The following PARD3B variants were observed in gnomAD, a reference collection of about 807,000 sequenced individuals.
The protein encoded by PARD3B is partitioning defective 3 homolog B.
Under a neutral mutation model 130.2 loss-of-function variants are expected in PARD3B, and 103 were observed. That is an observed-to-expected ratio of 0.79 (90% confidence interval 0.67 to 0.93). The LOEUF (loss-of-function observed/expected upper bound fraction) is 0.93, where lower values mean the gene tolerates loss of function less well. PARD3B is among the 40% of genes least tolerant of loss of function. The pLI is 0.00. For missense variants in PARD3B, 1,609 were observed against 1,499.2 expected, an observed-to-expected ratio of 1.07 and a Z score of -1.21; for synonymous variants, 583 against 553.2, an observed-to-expected ratio of 1.05 and a Z score of -0.76.
chr2:204,864,002 A>G (rs2045315249), intron 2 of PARD3B, among the ~76,000 whole-genome samples: 1 of 152,160 alleles, frequency 6.6e-6, no homozygotes, highest in African/African-American at 2.4e-5. Context: ...CTTTCATTTA[A>G]GCTGTCATCT....
At chr2:205,194,476 A>G (rs1365426744) in intron 15 of PARD3B, among the ~76,000 whole-genome samples, 1 of 152,224 alleles carries the variant, frequency 6.6e-6, no homozygotes, top group Non-Finnish European at 1.5e-5. Flanking sequence ...AATTTGTGAC[A>G]GTGACATAGG....
rs1418039725 is a variant in PARD3B at position 204,746,043 on chromosome 2, C to T, written c.222+59761C>T. Among the ~76,000 whole-genome samples, 5 of 150,378 alleles carry T rather than the reference C, an allele frequency of 3.3e-5. No individual in the cohort carries two copies. In the East Asian group the frequency reaches 9.8e-4, roughly 30 times the overall value. On this transcript the variant is annotated intron_variant, in intron 2 of 22. Coordinates refer to ENST00000406610, the MANE Select transcript of PARD3B (RefSeq NM_001302769.2). ...ATGTGTACAACGTGCAGGTTTGTTA[C>T]ATATGTATACATGTGCCATGTTGGT...
At chr2:204,968,478 C>T (rs1328077961) in intron 3 of PARD3B, among the ~76,000 whole-genome samples, 1 of 152,214 alleles carries the variant, frequency 6.6e-6, no homozygotes, top group Non-Finnish European at 1.5e-5. Flanking sequence ...CCAGGCCCTT[C>T]ATGATCTAGC....
chr2:205,531,059 A>G (rs572032220), intron 21 of PARD3B, among the ~76,000 whole-genome samples: 33 of 152,332 alleles, frequency 2.2e-4, no homozygotes, highest in Non-Finnish European at 3.7e-4. Context: ...GCTGTGGAAG[A>G]ACTGAAGTGC....
At chr2:204,876,039 A>C (rs1021925243) in intron 2 of PARD3B, among the ~76,000 whole-genome samples, 2 of 152,080 alleles carry the variant, frequency 1.3e-5, no homozygotes, top group Non-Finnish European at 2.9e-5. Context: ...TGAAGAGGGA[A>C]TTGTACTCCT....
chr2:205,570,643 G>A (rs551507535), intron 22 of PARD3B, among the ~76,000 whole-genome samples: 3 of 152,272 alleles, frequency 2.0e-5, no homozygotes, highest in South Asian at 2.1e-4. Flanking sequence ...CCACAAAGCA[G>A]GTTGAATGGC....
chr2:204,914,912 A>G (rs1209528042), intron 2 of PARD3B, among the ~76,000 whole-genome samples: 1 of 152,140 alleles, frequency 6.6e-6, no homozygotes. Flanking sequence ...GCCCACAGCC[A>G]AGGAGGTCTG....
intron 1 of PARD3B, among the ~76,000 whole-genome samples, chr2:204,586,308 C>T (rs2032822331): frequency 6.6e-6 from 1 of 152,070 alleles, no homozygotes; most frequent in Non-Finnish European, 1.5e-5. Flanking sequence ...CAGCATGTTC[C>T]TACCCTGACA....
chr2:205,378,185 G>T (rs2045143791), intron 18 of PARD3B, among the ~76,000 whole-genome samples: 1 of 152,198 alleles, frequency 6.6e-6, no homozygotes, highest in East Asian at 1.9e-4. Context: ...GGGGACCAAG[G>T]GTCCACCACC....
chr2:204,708,207 A>C (rs192935665), intron 2 of PARD3B, among the ~76,000 whole-genome samples: 1 of 152,220 alleles, frequency 6.6e-6, no homozygotes, highest in African/African-American at 2.4e-5. Flanking sequence ...ACAGAGTCTC[A>C]CCATGTTGCC....
intron 2 of PARD3B, among the ~76,000 whole-genome samples, chr2:204,899,546 T>A (rs912018076): frequency 2.0e-5 from 3 of 152,210 alleles, no homozygotes; most frequent in Non-Finnish European, 4.4e-5. Context: ...TTATTAATAT[T>A]TTGTTGTTTC....
At chr2:205,532,526 T>C (rs2051646330) in intron 21 of PARD3B, among the ~76,000 whole-genome samples, 1 of 152,220 alleles carries the variant, frequency 6.6e-6, no homozygotes, top group Admixed American at 6.5e-5. Context: ...GGCAAAACAC[T>C]GTTACAAGCC....
intron 3 of PARD3B, among the ~76,000 whole-genome samples, chr2:205,008,973 A>G (rs1252678445): frequency 6.6e-6 from 1 of 152,220 alleles, no homozygotes; most frequent in Non-Finnish European, 1.5e-5. Flanking sequence ...TCATAATAAA[A>G]TAGGAATTAA....
At chr2:205,383,833 A>G (rs897218647) in intron 18 of PARD3B, among the ~76,000 whole-genome samples, 1 of 152,028 alleles carries the variant, frequency 6.6e-6, no homozygotes, top group Non-Finnish European at 1.5e-5. Flanking sequence ...GGCTTCTTTC[A>G]TTAGCAAAAT....
intron 1 of PARD3B, among the ~76,000 whole-genome samples, chr2:204,655,789 C>A (rs2035618796): frequency 6.6e-6 from 1 of 152,038 alleles, no homozygotes; most frequent in Admixed American, 6.6e-5. Context: ...AAGTGATAAT[C>A]ATTTATTGTT....
Position 205,253,036 on chromosome 2 carries a change from C to A in PARD3B, c.2185+7214C>A, listed in dbSNP as rs1357455145. On this transcript the variant is annotated intron_variant, in intron 16 of 22. Coordinates refer to ENST00000406610, the MANE Select transcript of PARD3B (RefSeq NM_001302769.2). This position sits in a 1 kb window ranked among gnomAD's most constrained non-coding sequence, Gnocchi z 4.4. The stretch of plus-strand genomic sequence containing the variant: ...AAAAAAGGGTATCCAACTTGATTTT[C>A]ATTGTACTTGTCAGCTATTGCTGCA... Among the ~76,000 whole-genome samples, 2 of 152,028 alleles carry A rather than the reference C, an allele frequency of 1.3e-5. No homozygotes were observed. Among genetic ancestry groups the A allele is most frequent in the East Asian group, 3.9e-4 (2 of 5,180 alleles).
At chr2:205,390,600 A>G (rs368382592) in intron 18 of PARD3B, among the ~76,000 whole-genome samples, 21 of 152,342 alleles carry the variant, frequency 1.4e-4, no homozygotes, top group East Asian at 5.8e-4. Context: ...CTGGAGCCCA[A>G]TCATTTTATT....
At chr2:204,590,829 C>A (rs1485233337) in intron 1 of PARD3B, among the ~76,000 whole-genome samples, 1 of 152,154 alleles carries the variant, frequency 6.6e-6, no homozygotes, top group Non-Finnish European at 1.5e-5. Flanking sequence ...GACTGAATCA[C>A]CATTCTTTGC....
intron 21 of PARD3B, among the ~76,000 whole-genome samples, chr2:205,507,194 G>GTTTTTTTTT (rs1245448537): frequency 7.9e-5 from 2 of 25,334 alleles, no homozygotes; most frequent in Non-Finnish European, 2.1e-4. Context: ...GACAGGTGCA[G>GTTTTTTTTT]TATTTTTTTT....
Sources: gnomAD v4.1 joint callset for allele counts (sites outside exome capture counted in the v4.1 genomes callset) on GRCh38, gnomAD v4.1.1 for gene constraint, Gnocchi (gnomAD v3.1) non-coding constraint, MANE v1.5 for transcripts, NCBI Gene and HGNC (gene_info 2026-07-23, HGNC 2026-07-21) for gene names.